Variants in KIF13B observed in about 807,000 individuals in gnomAD.
The protein encoded by KIF13B is kinesin family member 13B, also known as kinesin-like protein KIF13B.
In KIF13B, 127 loss-of-function variants were observed where a neutral mutation model predicts 222.0. The observed-to-expected ratio is 0.57, with a 90% confidence interval of 0.50 to 0.66. The LOEUF is 0.66. KIF13B is among the 30% of genes least tolerant of loss of function. The probability of loss-of-function intolerance (pLI) is 0.00; values close to 1 mark genes in which losing one functional copy is unlikely to be tolerated. For missense variants in KIF13B, 2,173 were observed against 2,379.0 expected (o/e 0.91, Z 1.80); for synonymous variants, 976 against 919.0 (o/e 1.06, Z -1.12).
intron 2 of KIF13B, among the ~76,000 whole-genome samples, chr8:29,243,813 T>C (rs1169663468): frequency 1.3e-5 from 2 of 152,256 alleles, no homozygotes; most frequent in African/African-American, 4.8e-5. Context: ...TTTTGCTGTA[T>C]GTGTCTCTAT....
chr8:29,180,021 T>A, intron 8 of KIF13B, 83 bp downstream of exon 8: 1 of 1,488,364 alleles, frequency 6.7e-7, no homozygotes, highest in East Asian at 2.3e-5. Flanking sequence ...GGACTTTAAT[T>A]CATCTAACAC....
intron 2 of KIF13B, among the ~76,000 whole-genome samples, chr8:29,230,940 C>A (rs1439954458): frequency 6.6e-6 from 1 of 152,174 alleles, no homozygotes; most frequent in Non-Finnish European, 1.5e-5. Context: ...AGTGCAATCA[C>A]ACCATCACGG....
intron 24 of KIF13B, 101 bp downstream of exon 24, chr8:29,130,432 C>T: frequency 8.5e-7 from 1 of 1,179,880 alleles, no homozygotes; most frequent in Non-Finnish European, 1.2e-6. Context: ...TGGACTTGGC[C>T]AGTCTAGATT....
chr8:29,256,784 T>C (rs1453453125), intron 1 of KIF13B, among the ~76,000 whole-genome samples: 1 of 152,106 alleles, frequency 6.6e-6, no homozygotes, highest in Non-Finnish European at 1.5e-5. Flanking sequence ...TGAGACAGTC[T>C]CGCTCTGTCG....
chr8:29,146,268 TG>T, intron 18 of KIF13B, 109 bp downstream of exon 18: 2 of 1,087,856 alleles, frequency 1.8e-6, no homozygotes, highest in Non-Finnish European at 2.8e-6. Flanking sequence ...ACAAAGGATC[TG>T]GACTTGGGGC....
chr8:29,084,270 G>A (rs1189551287), intron 37 of KIF13B, among the ~76,000 whole-genome samples: 5 of 152,130 alleles, frequency 3.3e-5, no homozygotes, highest in South Asian at 4.1e-4. Flanking sequence ...ACAAGGATAC[G>A]TGTTTATATA....
chr8:29,222,243 C>T (rs1241934245), intron 2 of KIF13B, among the ~76,000 whole-genome samples: 1 of 151,798 alleles, frequency 6.6e-6, no homozygotes, highest in Non-Finnish European at 1.5e-5. Context: ...TCCAGCTACT[C>T]AAGAGGCCGA....
intron 2 of KIF13B, among the ~76,000 whole-genome samples, chr8:29,206,997 C>A (rs1456527801): frequency 2.0e-5 from 3 of 152,174 alleles, no homozygotes; most frequent in Non-Finnish European, 2.9e-5. Flanking sequence ...TCCTGGTTTA[C>A]CACGCAACTT....
chr8:29,186,566 G>T, intron 5 of KIF13B, 94 bp from the exon 6 acceptor site: 1 of 997,680 alleles, frequency 1.0e-6, no homozygotes, highest in Non-Finnish European at 1.5e-6. Flanking sequence ...TTGGCAAAAC[G>T]CCAAAATGCA....
chr8:29,191,194 T>C (rs1260783443), intron 3 of KIF13B, 137 bp from the exon 4 acceptor site: 1 of 638,610 alleles, frequency 1.6e-6, no homozygotes, highest in Non-Finnish European at 2.7e-6. Flanking sequence ...ATGTAGAGGC[T>C]TACAATGAGA....
chr8:29,210,662 T>C (rs546764955), intron 2 of KIF13B, among the ~76,000 whole-genome samples: 106 of 152,348 alleles, frequency 7.0e-4, no homozygotes, highest in African/African-American at 2.5e-3. Flanking sequence ...TTTATTTCCA[T>C]GGTGATTCAA....
intron 2 of KIF13B, among the ~76,000 whole-genome samples, chr8:29,227,584 G>T (rs1815080908): frequency 6.6e-6 from 1 of 152,124 alleles, no homozygotes; most frequent in Non-Finnish European, 1.5e-5. Context: ...GTTTTTGAAA[G>T]ATTATTCTGA....
chr8:29,136,280 A>T (rs973675100), intron 21 of KIF13B, among the ~76,000 whole-genome samples: 1 of 152,232 alleles, frequency 6.6e-6, no homozygotes, highest in Non-Finnish European at 1.5e-5. Context: ...ACATAAAATA[A>T]ATAGAATAAA....
intron 2 of KIF13B, among the ~76,000 whole-genome samples, chr8:29,226,238 AG>A (rs1284274298): frequency 6.6e-6 from 1 of 151,258 alleles, no homozygotes; most frequent in Non-Finnish European, 1.5e-5. Flanking sequence ...AGACCATAAA[AG>A]TAATTTGAAC....
At chr8:29,169,601 G>T (rs1464802998) in intron 10 of KIF13B, among the ~76,000 whole-genome samples, 1 of 152,174 alleles carries the variant, frequency 6.6e-6, no homozygotes, top group Non-Finnish European at 1.5e-5. Context: ...TAATTATATT[G>T]CTGAAGAAAA....
At position 29,071,507 on chromosome 8, in the gene KIF13B, G is replaced by A; in HGVS notation, c.5218+113C>T. 1.0e-6 allele frequency: 1 copy of A among 966,196 alleles called. No individual in the cohort carries two copies. The highest frequency in any genetic ancestry group is 1.5e-5 in the South Asian group (1 of 67,950). The allele number at this position is 966,196 out of a possible 1,614,324, so 59.9% of individuals were successfully genotyped here. ...CTCCCGCAGCTTCAGCCAAGCCGCTGCCTCCCGGCCCCTCCCTCTCCTGCC... is the reference window on the plus strand; with the variant it reads ...CTCCCGCAGCTTCAGCCAAGCCGCTACCTCCCGGCCCCTCCCTCTCCTGCC... On this transcript the variant is annotated intron_variant, in intron 39 of 39. Transcript: ENST00000524189. This position sits in a 1 kb window ranked among gnomAD's most constrained non-coding sequence, Gnocchi z 4.9.
At chr8:29,133,291 C>T (rs1261396215) in intron 22 of KIF13B, among the ~76,000 whole-genome samples, 5 of 152,072 alleles carry the variant, frequency 3.3e-5, no homozygotes, top group Non-Finnish European at 7.4e-5. Context: ...ACAACAACAA[C>T]AAAAAACGCA....
chr8:29,219,746 AAAATAAAT>A (rs372012234), intron 2 of KIF13B, among the ~76,000 whole-genome samples: 60 of 146,670 alleles, frequency 4.1e-4, no homozygotes, highest in Middle Eastern at 3.5e-3. Context: ...CCCTGTTTCC[AAAATAAAT>A]AAATAAATAA....
At chr8:29,198,920 AG>A (rs1428456992) in intron 2 of KIF13B, among the ~76,000 whole-genome samples, 1 of 152,080 alleles carries the variant, frequency 6.6e-6, no homozygotes, top group African/African-American at 2.4e-5. Context: ...GACTCAGAAG[AG>A]GGGGAGCAGG....
Sources: gnomAD v4.1 joint callset for allele counts (sites outside exome capture counted in the v4.1 genomes callset) on GRCh38, gnomAD v4.1.1 for gene constraint, Gnocchi (gnomAD v3.1) non-coding constraint, MANE v1.5 for transcripts, NCBI Gene and HGNC (gene_info 2026-07-23, HGNC 2026-07-21) for gene names.